FANCC: variants seen among roughly 807,000 people sequenced by gnomAD.
FANCC encodes the protein FA complementation group C, also known as Fanconi anemia group C protein.
A neutral mutation model predicts 71.3 loss-of-function variants in FANCC; 55 were observed. The ratio of observed to expected loss-of-function variants is 0.77; its 90% CI spans 0.62 to 0.97. The LOEUF (loss-of-function observed/expected upper bound fraction) is 0.97, where lower values mean the gene tolerates loss of function less well. FANCC is among the 50% of genes least tolerant of loss of function. FANCC has a pLI of 0.00. For missense variants in FANCC, 678 were observed against 670.9 expected, an observed-to-expected ratio of 1.01 and a Z score of -0.12; for synonymous variants, 275 against 244.9, an observed-to-expected ratio of 1.12 and a Z score of -1.15.
At chr9:95,261,127 G>A (rs550699699) in intron 1 of FANCC, among the ~76,000 whole-genome samples, 5 of 152,342 alleles carry the variant, frequency 3.3e-5, no homozygotes, top group Non-Finnish European at 7.3e-5. Flanking sequence ...GAATAAGACA[G>A]TGTCACCCGA....
intron 6 of FANCC, among the ~76,000 whole-genome samples, chr9:95,168,925 TAATA>T (rs1564716755): frequency 2.0e-5 from 3 of 152,196 alleles, no homozygotes; most frequent in Admixed American, 6.5e-5. Context: ...AGGGTATCCA[TAATA>T]TATACACTAC....
chr9:95,243,079 C>G (rs1830730541), intron 3 of FANCC, among the ~76,000 whole-genome samples: 1 of 152,176 alleles, frequency 6.6e-6, no homozygotes. Flanking sequence ...AAAGCTAAAG[C>G]AATTCTTTAA....
At position 95,249,202 on chromosome 9, in the gene FANCC, G is replaced by A. The variant is rs756684704; in HGVS notation, c.90C>T (p.Thr30=). 6.2e-7 allele frequency: 1 copy of A among 1,614,092 alleles called. No individual in the cohort carries two copies. The highest frequency in any genetic ancestry group is 8.5e-7 in the Non-Finnish European group (1 of 1,180,006). Residue 30 remains threonine (T), a synonymous_variant, in exon 2 of 15, where the codon ACC becomes ACT. Coordinates refer to ENST00000289081, the MANE Select transcript of FANCC (RefSeq NM_000136.3). ...SVWDQASTLE[T]QQDTCLHVAQ... ...CCACGTGAAGACAGGTGTCTTGCTG[G>A]GTTTCCAAAGTGGAAGCCTGATCCC... is the stretch of plus-strand genomic sequence containing the variant.
chr9:95,101,272 TAA>T lies in FANCC; in HGVS notation c.*433_*434del. 6.5e-6 allele frequency: 2 copies of T among 310,018 alleles called. No homozygotes were observed. Among genetic ancestry groups the T allele is most frequent in the East Asian group, 4.8e-5 (1 of 20,982 alleles). The allele number at this position is 310,018 out of a possible 1,614,324, so 19.2% of individuals were successfully genotyped here. A position where few individuals can be genotyped will look rare whatever the true frequency, so the allele number is the denominator to read the frequency against. Reference sequence around the variant, plus strand: ...GGCTTTATCCCAGATCCCTGACTCCTAAAAAGAGTCTAAAAAGAGCTAAGTTC... The same window carrying T: ...GGCTTTATCCCAGATCCCTGACTCCTAAAGAGTCTAAAAAGAGCTAAGTTC... On this transcript the variant is annotated 3_prime_UTR_variant, in exon 15 of 15. Coordinates refer to ENST00000289081, the MANE Select transcript of FANCC (RefSeq NM_000136.3).
intron 4 of FANCC, among the ~76,000 whole-genome samples, chr9:95,221,026 T>C (rs1050354773): frequency 3.3e-5 from 5 of 151,664 alleles, no homozygotes; most frequent in African/African-American, 4.8e-5. Flanking sequence ...GGTCAAGAGA[T>C]CGAGACCACC....
intron 1 of FANCC, among the ~76,000 whole-genome samples, chr9:95,256,951 A>G (rs1831700341): frequency 6.6e-6 from 1 of 152,224 alleles, no homozygotes; most frequent in South Asian, 2.1e-4. Context: ...GGCATTACAT[A>G]ATGGTAAAGG....
chr9:95,284,063 T>C (rs569970015), intron 1 of FANCC, among the ~76,000 whole-genome samples: 2 of 152,348 alleles, frequency 1.3e-5, no homozygotes, highest in South Asian at 4.1e-4. Flanking sequence ...TCAATGTCAG[T>C]TATTATCATT....
At chr9:95,103,833 G>C (rs2071239670) in intron 14 of FANCC, among the ~76,000 whole-genome samples, 1 of 152,234 alleles carries the variant, frequency 6.6e-6, no homozygotes, top group African/African-American at 2.4e-5. Context: ...TGCAGGACCA[G>C]TGCGTCCTTT....
intron 7 of FANCC, among the ~76,000 whole-genome samples, chr9:95,145,081 C>T (rs1829346172): frequency 6.6e-6 from 1 of 152,138 alleles, no homozygotes; most frequent in Non-Finnish European, 1.5e-5. Context: ...CTCACTTTCA[C>T]AAAATCCTGG....
Position 95,182,246 on chromosome 9 carries a change from C to T in FANCC, c.346-10099G>A, listed in dbSNP as rs148948652. Among the ~76,000 whole-genome samples the T allele has an allele frequency of 3.4e-3, 518 of 151,388 alleles. 9 individuals are homozygous for T. In the East Asian group the frequency reaches 0.044, roughly 13 times the overall value. Reference sequence around the variant, plus strand: ...AAAAAAAAAAAAGGTGTTGGCCAGGCGTGGTGGCTCACGCCTGTAATCCCA... The same window carrying T: ...AAAAAAAAAAAAGGTGTTGGCCAGGTGTGGTGGCTCACGCCTGTAATCCCA... On this transcript the variant is annotated intron_variant, in intron 4 of 14. Transcript: ENST00000289081.
intron 4 of FANCC, among the ~76,000 whole-genome samples, chr9:95,201,098 A>G (rs1827777677): frequency 6.6e-6 from 1 of 152,242 alleles, no homozygotes; most frequent in Non-Finnish European, 1.5e-5. Context: ...CAATTAACAA[A>G]AGAGAACATT....
intron 1 of FANCC, among the ~76,000 whole-genome samples, chr9:95,264,605 G>A (rs1832273405): frequency 6.6e-6 from 1 of 152,058 alleles, no homozygotes; most frequent in Admixed American, 6.5e-5. Context: ...CTGATAAAGT[G>A]CACTTTTTTC....
At chr9:95,228,296 C>A (rs983246040) in intron 4 of FANCC, among the ~76,000 whole-genome samples, 6 of 152,182 alleles carry the variant, frequency 3.9e-5, no homozygotes, top group Admixed American at 1.3e-4. Context: ...AATTTATAAA[C>A]AAACTCACAG....
At chr9:95,165,358 C>A (rs1162873587) in intron 6 of FANCC, among the ~76,000 whole-genome samples, 1 of 151,464 alleles carries the variant, frequency 6.6e-6, no homozygotes, top group Non-Finnish European at 1.5e-5. Context: ...TGAGATCCTT[C>A]TTATTTTCTT....
At chr9:95,266,646 G>T (rs1043288999) in intron 1 of FANCC, among the ~76,000 whole-genome samples, 3 of 152,120 alleles carry the variant, frequency 2.0e-5, no homozygotes, top group Non-Finnish European at 4.4e-5. Flanking sequence ...GTGGAATTAT[G>T]AATTTTTAAA....
At chr9:95,287,212 C>T (rs544740959) in intron 1 of FANCC, among the ~76,000 whole-genome samples, 1 of 152,242 alleles carries the variant, frequency 6.6e-6, no homozygotes, top group Admixed American at 6.5e-5. Context: ...CACCAAGAAA[C>T]ATACCATGTG....
At chr9:95,174,969 AC>A (rs1420054348) in intron 4 of FANCC, among the ~76,000 whole-genome samples, 1 of 152,160 alleles carries the variant, frequency 6.6e-6, no homozygotes, top group African/African-American at 2.4e-5. Context: ...AATTCCACAA[AC>A]CTTCAAGCTT....
chr9:95,124,257 T>C (rs996556411), intron 10 of FANCC, among the ~76,000 whole-genome samples: 4 of 151,978 alleles, frequency 2.6e-5, no homozygotes, highest in African/African-American at 9.7e-5. Flanking sequence ...GGCCGTGACA[T>C]ACTCTACAGA....
intron 4 of FANCC, among the ~76,000 whole-genome samples, chr9:95,229,475 A>C (rs147821474): frequency 6.6e-4 from 100 of 152,168 alleles, no homozygotes; most frequent in African/African-American, 2.0e-3. Context: ...GACTGGATGG[A>C]TTGATAGACT....
Sources: gnomAD v4.1 joint callset for allele counts (sites outside exome capture counted in the v4.1 genomes callset) on GRCh38, gnomAD v4.1.1 for gene constraint, MANE v1.5 for transcripts, NCBI Gene and HGNC (gene_info 2026-07-23, HGNC 2026-07-21) for gene names.